RNF150: variants seen among roughly 807,000 people sequenced by gnomAD.
The protein encoded by RNF150 is ring finger protein 150.
Under a neutral mutation model 39.3 loss-of-function variants are expected in RNF150, and 24 were observed. That is an observed-to-expected ratio of 0.61 (90% CI 0.44 to 0.86). RNF150 has a LOEUF of 0.86. RNF150 is among the 40% of genes least tolerant of loss of function. The pLI is 0.00. For synonymous variants in RNF150, 255 were observed against 227.3 expected (o/e 1.12, Z -1.10); for missense variants, 502 against 587.8 (o/e 0.85, Z 1.51).
At chr4:140,918,169 G>A (rs1025008189) in intron 5 of RNF150, among the ~76,000 whole-genome samples, 2 of 152,154 alleles carry the variant, frequency 1.3e-5, no homozygotes, top group Non-Finnish European at 2.9e-5. Context: ...AAAGCTAGCA[G>A]AAAGCAAGAA....
intron 1 of RNF150, among the ~76,000 whole-genome samples, chr4:141,116,204 C>A (rs910879162): frequency 6.6e-6 from 1 of 152,132 alleles, no homozygotes; most frequent in African/African-American, 2.4e-5. Context: ...AGTGAACAGG[C>A]AACCTACAAA....
intron 1 of RNF150, among the ~76,000 whole-genome samples, chr4:141,196,327 G>T (rs1004014207): frequency 1.3e-5 from 2 of 152,096 alleles, no homozygotes; most frequent in African/African-American, 2.4e-5. Context: ...TATAGCAAAG[G>T]GAGGAGGGCA....
chr4:141,089,325 GC>G (rs1485250984), intron 1 of RNF150, among the ~76,000 whole-genome samples: 1 of 152,084 alleles, frequency 6.6e-6, no homozygotes, highest in African/African-American at 2.4e-5. Flanking sequence ...CTATGGACCA[GC>G]GACTCTGGTT....
intron 5 of RNF150, among the ~76,000 whole-genome samples, chr4:140,921,969 C>T (rs1403319155): frequency 3.3e-5 from 5 of 150,492 alleles, no homozygotes; most frequent in Non-Finnish European, 4.4e-5. Flanking sequence ...GGACGTATCT[C>T]AAAATAATAA....
At chr4:141,178,240 G>T (rs1453136383) in intron 1 of RNF150, among the ~76,000 whole-genome samples, 1 of 151,528 alleles carries the variant, frequency 6.6e-6, no homozygotes, top group Non-Finnish European at 1.5e-5. Context: ...GTATGTGTGT[G>T]TGTATGTGTG....
chr4:141,024,348 C>T (rs1053553040), intron 1 of RNF150, among the ~76,000 whole-genome samples: 1 of 152,100 alleles, frequency 6.6e-6, no homozygotes, highest in African/African-American at 2.4e-5. Context: ...AAATTCCTAT[C>T]TGTGGGTCTC....
chr4:141,008,866 A>G (rs1434050003), intron 1 of RNF150, among the ~76,000 whole-genome samples: 1 of 150,166 alleles, frequency 6.7e-6, no homozygotes, highest in African/African-American at 2.5e-5. Flanking sequence ...CTTCTTCTTC[A>G]GCATTATCCA....
chr4:140,948,746 G>T (rs562660996), intron 3 of RNF150, among the ~76,000 whole-genome samples: 1 of 152,226 alleles, frequency 6.6e-6, no homozygotes, highest in South Asian at 2.1e-4. Flanking sequence ...ATCAACCTTG[G>T]GGTTCTGAAT....
intron 1 of RNF150, among the ~76,000 whole-genome samples, chr4:141,140,717 A>T (rs17006913): frequency 0.012 from 1,836 of 152,316 alleles, 40 homozygotes; most frequent in African/African-American, 0.042. Flanking sequence ...TGTTAGACAC[A>T]AGCATCTGTA....
intron 1 of RNF150, among the ~76,000 whole-genome samples, chr4:141,162,997 G>A (rs370343581): frequency 3.7e-4 from 56 of 152,342 alleles, no homozygotes; most frequent in African/African-American, 1.2e-3. Flanking sequence ...GGGAGCCAAC[G>A]GGTCTAACTC....
chr4:141,024,955 T>C (rs1735641669), intron 1 of RNF150, among the ~76,000 whole-genome samples: 1 of 152,182 alleles, frequency 6.6e-6, no homozygotes, highest in African/African-American at 2.4e-5. Flanking sequence ...AACATCTCAA[T>C]GCAAAAGTCA....
chr4:141,052,050 G>T (rs1736797266), intron 1 of RNF150, among the ~76,000 whole-genome samples: 1 of 152,092 alleles, frequency 6.6e-6, no homozygotes, highest in Non-Finnish European at 1.5e-5. Flanking sequence ...GAGAGCTTCT[G>T]CAGGGAAACT....
intron 1 of RNF150, among the ~76,000 whole-genome samples, chr4:141,092,561 C>T (rs1477423513): frequency 6.6e-6 from 1 of 151,738 alleles, no homozygotes; most frequent in African/African-American, 2.4e-5. Flanking sequence ...TTCAGAGAGA[C>T]AAATTATTTT....
At chr4:140,923,542 C>T (rs28889883) in intron 5 of RNF150, among the ~76,000 whole-genome samples, 3,122 of 152,248 alleles carry the variant, frequency 0.021, 28 homozygotes, top group East Asian at 0.039. Context: ...ACTAGTTCAA[C>T]CATTGTGGAA....
chr4:141,101,501 T>G (rs1739008650), intron 1 of RNF150, among the ~76,000 whole-genome samples: 1 of 152,102 alleles, frequency 6.6e-6, no homozygotes. Flanking sequence ...CTGGAATAGC[T>G]CCTGAAGCAC....
intron 1 of RNF150, among the ~76,000 whole-genome samples, chr4:140,971,718 T>C (rs566126910): frequency 2.6e-5 from 4 of 152,240 alleles, no homozygotes; most frequent in South Asian, 4.2e-4. Context: ...ATTTGGTATA[T>C]GCAGATTAAT....
In RNF150 at chr4:140,864,497, G is replaced by C. The variant is rs1219326927; in HGVS notation, c.*3764C>G. ...TGGAGTAAAATGCTGGCTGTTGGAG[G>C]TGGTCATAATTCACCAAGTAGAGAC... On this transcript the variant is annotated 3_prime_UTR_variant, in exon 7 of 7. Transcript: ENST00000515673. The C allele has an allele frequency of 6.6e-6, 1 of 152,198 alleles. No homozygotes were observed. Among genetic ancestry groups the C allele is most frequent in the East Asian group, 1.9e-4 (1 of 5,182 alleles). 9.4% of individuals were successfully genotyped at this position (152,198 alleles called of 1,614,324 possible). A position where few individuals can be genotyped will look rare whatever the true frequency, so the allele number is the denominator to read the frequency against.
intron 1 of RNF150, among the ~76,000 whole-genome samples, chr4:141,022,304 T>C (rs952859669): frequency 9.2e-5 from 14 of 152,250 alleles, no homozygotes; most frequent in African/African-American, 3.4e-4. Flanking sequence ...TCTTTCATGA[T>C]TTTTATCCCC....
At chr4:141,192,876 ACTCAGGGCCT>A (rs1350457198) in intron 1 of RNF150, among the ~76,000 whole-genome samples, 1 of 152,164 alleles carries the variant, frequency 6.6e-6, no homozygotes, top group Admixed American at 6.5e-5. Flanking sequence ...CAAGCTTCCA[ACTCAGGGCCT>A]TTGCACATGC....
Sources: allele counts gnomAD v4.1 joint callset (sites outside exome capture counted in the v4.1 genomes callset), GRCh38; gene constraint gnomAD v4.1.1; transcripts MANE v1.5; gene names NCBI Gene and HGNC (gene_info 2026-07-23, HGNC 2026-07-21).